HECTD2: variants seen among roughly 807,000 people sequenced by gnomAD.
HECTD2 encodes HECT domain E3 ubiquitin protein ligase 2.
In HECTD2, 35 loss-of-function variants were observed where a neutral mutation model predicts 103.2. That is an observed-to-expected ratio of 0.34 (90% CI 0.26 to 0.45). HECTD2 has a LOEUF of 0.45. Among genes scored for constraint, HECTD2 ranks in the 20% least tolerant of loss-of-function variants. The pLI is 1.00. For missense variants in HECTD2, 596 were observed against 937.4 expected (o/e 0.64, Z 4.76); for synonymous variants, 281 against 329.9 (o/e 0.85, Z 1.61).
chr10:91,497,766 T>G (rs192417548), intron 15 of HECTD2, among the ~76,000 whole-genome samples: 1 of 152,292 alleles, frequency 6.6e-6, no homozygotes, highest in East Asian at 1.9e-4. Context: ...CATAGGAATA[T>G]AAATTGAAAG....
At chr10:91,494,663 G>A (rs1257868422) in intron 14 of HECTD2, among the ~76,000 whole-genome samples, 1 of 152,054 alleles carries the variant, frequency 6.6e-6, no homozygotes, top group African/African-American at 2.4e-5. Flanking sequence ...AAGGTCCAAA[G>A]TGCTAAATTC....
In HECTD2 at chr10:91,487,603, G is replaced by A; in HGVS notation, c.1095-79G>A. 1 of 847,172 alleles carries A rather than the reference G, an allele frequency of 1.2e-6. No homozygotes were observed. The highest frequency in any genetic ancestry group is 1.7e-5 in the African/African-American group (1 of 60,308). 52.5% of individuals were successfully genotyped at this position (847,172 alleles called of 1,614,324 possible). A position where few individuals can be genotyped will look rare whatever the true frequency, so the allele number is the denominator to read the frequency against. On this transcript the variant is annotated intron_variant, in intron 10 of 20. Coordinates refer to ENST00000298068, the MANE Select transcript of HECTD2 (RefSeq NM_182765.6). The surrounding 1 kb of genome is among the most constrained non-coding windows in gnomAD (Gnocchi z 4.1). Reference sequence around the variant, plus strand: ...AAAGTAATGTTTTATATTGCTACAAGGGGTACCTTAGATTCCCTTAGTATA... The same window carrying A: ...AAAGTAATGTTTTATATTGCTACAAAGGGTACCTTAGATTCCCTTAGTATA...
In HECTD2 at chr10:91,477,347, A is replaced by C. The variant is rs1410528682; in HGVS notation, c.601-854A>C. Among the ~76,000 whole-genome samples, 3 of 152,220 alleles carry C rather than the reference A, an allele frequency of 2.0e-5. No individual in the cohort carries two copies. In the East Asian group the frequency reaches 5.8e-4, roughly 29 times the overall value. On this transcript the variant is annotated intron_variant, in intron 5 of 20. Transcript: ENST00000298068. ...TGTAGAGAAGTAAGTGAACTATAGA[A>C]ATGTTGTGGGACTGTCAGTGGTATT...
At chr10:91,419,150 A>G (rs1354739983) in intron 1 of HECTD2, among the ~76,000 whole-genome samples, 1 of 152,178 alleles carries the variant, frequency 6.6e-6, no homozygotes, top group Non-Finnish European at 1.5e-5. Flanking sequence ...TTGTAAGGCA[A>G]CTTTTGGAGT....
At chr10:91,437,438 A>G (rs1199912698) in intron 2 of HECTD2, among the ~76,000 whole-genome samples, 1 of 152,088 alleles carries the variant, frequency 6.6e-6, no homozygotes, top group Non-Finnish European at 1.5e-5. Context: ...ATTGCCTTTT[A>G]ATAACCTACT....
intron 5 of HECTD2, among the ~76,000 whole-genome samples, chr10:91,471,940 C>T (rs929430917): frequency 1.3e-5 from 2 of 152,192 alleles, no homozygotes; most frequent in Admixed American, 1.3e-4. Context: ...TGGCATTCTT[C>T]ACAGAATTAG....
intron 6 of HECTD2, among the ~76,000 whole-genome samples, chr10:91,478,908 C>T (rs962674457): frequency 6.6e-6 from 1 of 151,938 alleles, no homozygotes; most frequent in Non-Finnish European, 1.5e-5. Context: ...TGTAATGTTA[C>T]ATGTACCATA....
At chr10:91,411,100 A>G (rs1004043811) in intron 1 of HECTD2, among the ~76,000 whole-genome samples, 3 of 152,114 alleles carry the variant, frequency 2.0e-5, no homozygotes, top group Admixed American at 6.5e-5. Flanking sequence ...AGGTAGATGC[A>G]TCAGTGATGG....
chr10:91,456,383 T>C (rs1589503295), intron 2 of HECTD2, among the ~76,000 whole-genome samples: 1 of 152,278 alleles, frequency 6.6e-6, no homozygotes. Context: ...GTTTGTCTGT[T>C]ATTGGTGTAT....
In HECTD2 at chr10:91,458,022, C is replaced by CAA. The variant is rs780908138; in HGVS notation, c.269-2391_269-2390dup. On this transcript the variant is annotated intron_variant, in intron 2 of 20. Coordinates refer to ENST00000298068, the MANE Select transcript of HECTD2 (RefSeq NM_182765.6). ...TTTGCAGATGGCATAATTGTCTATG[C>CAA]AAAAAAAAAAAAAAACCCATGAAAT... Among the ~76,000 whole-genome samples, 122 of 66,444 alleles carry CAA rather than the reference C, an allele frequency of 1.8e-3. 1 individual carries two copies. Among genetic ancestry groups the CAA allele is most frequent in the Middle Eastern group, 8.1e-3 (1 of 124 alleles). 43.6% of individuals were successfully genotyped at this position (66,444 alleles called of 152,430 possible). A position where few individuals can be genotyped will look rare whatever the true frequency, so the allele number is the denominator to read the frequency against.
At chr10:91,484,679 T>G in intron 9 of HECTD2, 24 bp downstream of exon 9, 1 of 1,553,354 alleles carries the variant, frequency 6.4e-7, no homozygotes. Flanking sequence ...ATTCTATCAT[T>G]TTTTACTTTT....
At chr10:91,462,667 T>C in intron 5 of HECTD2, 2 of 996,018 alleles carry the variant, frequency 2.0e-6, no homozygotes, top group Non-Finnish European at 2.4e-6. Context: ...AAAAATTATG[T>C]CACCATTCAA....
chr10:91,477,420 C>T (rs1270968663), intron 5 of HECTD2, among the ~76,000 whole-genome samples: 1 of 152,172 alleles, frequency 6.6e-6, no homozygotes, highest in Non-Finnish European at 1.5e-5. Flanking sequence ...TATGTCCAGT[C>T]AGCACATTTG....
At chr10:91,462,214 T>C (rs1310112341) in intron 5 of HECTD2, 30 bp downstream of exon 5, 3 of 1,549,254 alleles carry the variant, frequency 1.9e-6, no homozygotes, top group Non-Finnish European at 2.6e-6. Context: ...AGTAATATTA[T>C]TCTGTGTCTC....
At chr10:91,424,438 T>G (rs1258046997) in intron 1 of HECTD2, among the ~76,000 whole-genome samples, 4 of 138,794 alleles carry the variant, frequency 2.9e-5, no homozygotes, top group Non-Finnish European at 4.4e-5. Flanking sequence ...CCTTTAGAAT[T>G]TAAAAGTGGA....
intron 20 of HECTD2, among the ~76,000 whole-genome samples, chr10:91,505,250 A>G (rs1462560727): frequency 6.6e-6 from 1 of 152,088 alleles, no homozygotes; most frequent in Non-Finnish European, 1.5e-5. Context: ...TCATAATGAC[A>G]GGATCAAATT....
At chr10:91,457,417 C>G (rs955610205) in intron 2 of HECTD2, among the ~76,000 whole-genome samples, 1 of 151,892 alleles carries the variant, frequency 6.6e-6, no homozygotes, top group East Asian at 1.9e-4. Flanking sequence ...AAGTCCTTGA[C>G]AAAATATTAG....
At position 91,479,275 on chromosome 10, in the gene HECTD2, G is replaced by A. The variant is rs563981794; in HGVS notation, c.665+1010G>A. On this transcript the variant is annotated intron_variant, in intron 6 of 20. Transcript: ENST00000298068. ...CTGGTTTTTTATATATCTCAAAGAT[G>A]GTGACTGGATTTGCTTGGACACTAC... 1.2e-4 allele frequency among the ~76,000 whole-genome samples: 18 copies of A among 152,120 alleles called. No homozygotes were observed. The South Asian group carries it at 2.1e-3, about 18-fold the overall frequency.
chr10:91,426,850 A>AT (rs113195755), intron 2 of HECTD2, among the ~76,000 whole-genome samples: 14 of 150,356 alleles, frequency 9.3e-5, no homozygotes, highest in South Asian at 8.4e-4. Context: ...AACTTGGGGT[A>AT]TTTTTTTTTA....
Sources: allele counts gnomAD v4.1 joint callset (sites outside exome capture counted in the v4.1 genomes callset), GRCh38; gene constraint gnomAD v4.1.1; non-coding constraint Gnocchi (gnomAD v3.1); transcripts MANE v1.5; gene names NCBI Gene and HGNC (gene_info 2026-07-23, HGNC 2026-07-21).